Variants in SIDT1 observed in about 807,000 individuals in gnomAD.
SIDT1 encodes the protein SID1 transmembrane family, member 1.
A neutral mutation model predicts 107.5 loss-of-function variants in SIDT1; 101 were observed. That is an observed-to-expected ratio of 0.94 (90% CI 0.80 to 1.11). SIDT1 has a LOEUF of 1.11. Ranked by LOEUF, SIDT1 falls within the 50% of genes least tolerant of loss-of-function variation. The pLI is 0.00. For missense variants in SIDT1, 1,076 were observed against 1,058.2 expected, an observed-to-expected ratio of 1.02 and a Z score of -0.23; for synonymous variants, 395 against 398.2, an observed-to-expected ratio of 0.99 and a Z score of 0.10.
intron 1 of SIDT1, among the ~76,000 whole-genome samples, chr3:113,539,733 A>T (rs1938588190): frequency 6.6e-6 from 1 of 152,156 alleles, no homozygotes; most frequent in African/African-American, 2.4e-5. Context: ...GAGGTTGGGT[A>T]ATTTATAAGG....
chr3:113,534,629 T>G (rs1338501546), intron 1 of SIDT1, among the ~76,000 whole-genome samples: 1 of 152,246 alleles, frequency 6.6e-6, no homozygotes, highest in Non-Finnish European at 1.5e-5. Context: ...GTTGACATGT[T>G]GCACGTGAGG....
intron 9 of SIDT1, among the ~76,000 whole-genome samples, chr3:113,586,371 C>G (rs2107553907): frequency 6.6e-6 from 1 of 152,276 alleles, no homozygotes; most frequent in South Asian, 2.1e-4. Context: ...ATGAAAACAG[C>G]TACCCATTCG....
At position 113,612,086 on chromosome 3, in the gene SIDT1, G is replaced by A; in HGVS notation, c.1858G>A (p.Val620Met). 1 of 1,612,740 alleles carries A rather than the reference G, an allele frequency of 6.2e-7. No homozygotes were observed. The highest frequency in any genetic ancestry group is 8.5e-7 in the Non-Finnish European group (1 of 1,178,958). The change falls in exon 19 of 25, where the codon GTG becomes ATG. Residue 620 changes from valine (V) to methionine (M), a missense_variant and splice_region_variant. Coordinates refer to ENST00000264852, the MANE Select transcript of SIDT1 (RefSeq NM_017699.3). ...AGGTAACTTCCATCTTTACTCCTAG[G>A]TGTTTGGAAAAAATGACGTATGGTT... is the stretch of plus-strand genomic sequence containing the variant. The part of the protein sequence containing the change: ...VVIMVTVLGV[V>M]FGKNDVWFWV...
At chr3:113,550,957 CTA>C (rs982058013) in intron 1 of SIDT1, among the ~76,000 whole-genome samples, 1 of 152,124 alleles carries the variant, frequency 6.6e-6, no homozygotes, top group African/African-American at 2.4e-5. Context: ...TTGCTCCCCT[CTA>C]TGTGTCCATG....
intron 11 of SIDT1, 42 bp downstream of exon 11, chr3:113,601,701 C>T: frequency 1.4e-6 from 2 of 1,440,888 alleles, no homozygotes; most frequent in South Asian, 1.2e-5. Context: ...TTTCCTAATT[C>T]TGCAGAGAAT....
At chr3:113,583,298 T>G in intron 6 of SIDT1, 111 bp from the exon 7 acceptor site, 2 of 656,932 alleles carry the variant, frequency 3.0e-6, no homozygotes, top group Non-Finnish European at 5.1e-6. Flanking sequence ...AGGGCAGGGG[T>G]GAACTTTATT....
intron 1 of SIDT1, among the ~76,000 whole-genome samples, chr3:113,534,756 G>A (rs2107548826): frequency 6.6e-6 from 1 of 152,346 alleles, no homozygotes; most frequent in Non-Finnish European, 1.5e-5. Context: ...AATTACATGT[G>A]CTAAGTAAAT....
At chr3:113,585,591 T>A (rs1943686112) in intron 9 of SIDT1, among the ~76,000 whole-genome samples, 1 of 152,218 alleles carries the variant, frequency 6.6e-6, no homozygotes. Context: ...GTATATTTTT[T>A]AAACCAGAAA....
intron 1 of SIDT1, among the ~76,000 whole-genome samples, chr3:113,546,324 T>C (rs1939581765): frequency 6.6e-6 from 1 of 152,232 alleles, no homozygotes; most frequent in South Asian, 2.1e-4. Context: ...TAACTCTTTG[T>C]CTCATAAAAA....
chr3:113,615,387 G>A (rs1289817809), intron 19 of SIDT1, among the ~76,000 whole-genome samples: 1 of 152,160 alleles, frequency 6.6e-6, no homozygotes, highest in Admixed American at 6.5e-5. Flanking sequence ...GCTTTGGGCA[G>A]ACCCAGACTG....
chr3:113,564,725 G>A (rs896681389), intron 1 of SIDT1, among the ~76,000 whole-genome samples: 1 of 152,144 alleles, frequency 6.6e-6, no homozygotes, highest in Non-Finnish European at 1.5e-5. Flanking sequence ...AGTGAAGGGA[G>A]TGATCAATTC....
intron 8 of SIDT1, 74 bp from the exon 9 acceptor site, chr3:113,585,103 A>T: frequency 1.9e-6 from 2 of 1,068,142 alleles, no homozygotes; most frequent in South Asian, 1.3e-5. Flanking sequence ...GGGGCCCTTT[A>T]AGCCGTCCTG....
intron 20 of SIDT1, among the ~76,000 whole-genome samples, chr3:113,616,647 T>A (rs1251881274): frequency 1.3e-5 from 2 of 152,132 alleles, no homozygotes; most frequent in East Asian, 3.9e-4. Flanking sequence ...CCTGCCCATG[T>A]AACCCTGAGC....
In SIDT1 at chr3:113,571,059, A is replaced by G. The variant is rs368476585; in HGVS notation, c.515+3349A>G. Among the ~76,000 whole-genome samples the G allele has an allele frequency of 1.4e-4, 21 of 152,324 alleles. 1 individual carries two copies. The East Asian group carries it at 1.7e-3, about 13-fold the overall frequency. On this transcript the variant is annotated intron_variant, in intron 3 of 24. Coordinates refer to ENST00000264852, the MANE Select transcript of SIDT1 (RefSeq NM_017699.3). ...AATGAACTATTTCTACTTTCTAGTTAAAACTGTCCTCCCAATTGTTTGTGT... is the reference window on the plus strand; with the variant it reads ...AATGAACTATTTCTACTTTCTAGTTGAAACTGTCCTCCCAATTGTTTGTGT...
chr3:113,589,065 A>C lies in SIDT1; in HGVS notation c.1001+3795A>C, dbSNP rs973298657. Reference sequence around the variant, plus strand: ...TTGTTTCCAAGACAGACAGCAGAAGAGTGCAAGGCCTCTTGAAGATGCAGA... The same window carrying C: ...TTGTTTCCAAGACAGACAGCAGAAGCGTGCAAGGCCTCTTGAAGATGCAGA... On this transcript the variant is annotated intron_variant, in intron 9 of 24. Transcript: ENST00000264852. 3.9e-5 allele frequency among the ~76,000 whole-genome samples: 6 copies of C among 152,334 alleles called. No homozygotes were observed. In the East Asian group the frequency reaches 1.2e-3, roughly 29 times the overall value.
chr3:113,611,821 C>T (rs1292567846), intron 18 of SIDT1, among the ~76,000 whole-genome samples: 3 of 152,116 alleles, frequency 2.0e-5, no homozygotes, highest in Admixed American at 1.3e-4. Flanking sequence ...GAAGTTCATT[C>T]GCCCCCACTT....
intron 20 of SIDT1, among the ~76,000 whole-genome samples, chr3:113,616,836 G>A (rs1946145140): frequency 6.6e-6 from 1 of 151,824 alleles, no homozygotes; most frequent in African/African-American, 2.4e-5. Flanking sequence ...TTACGGGCAT[G>A]TGCCACCACA....
At chr3:113,572,672 C>A (rs1361873427) in intron 3 of SIDT1, among the ~76,000 whole-genome samples, 4 of 152,164 alleles carry the variant, frequency 2.6e-5, no homozygotes, top group Non-Finnish European at 5.9e-5. Flanking sequence ...ATGGCAGCAA[C>A]AAGGTTGTAA....
intron 11 of SIDT1, 140 bp from the exon 12 acceptor site, chr3:113,602,865 A>G (rs1945055904): frequency 1.3e-6 from 1 of 773,580 alleles, no homozygotes; most frequent in South Asian, 2.2e-5. Flanking sequence ...GAGAGAAAGA[A>G]CAGGTCTTGT....
Sources: allele counts gnomAD v4.1 joint callset (sites outside exome capture counted in the v4.1 genomes callset), GRCh38; gene constraint gnomAD v4.1.1; transcripts MANE v1.5; gene names NCBI Gene and HGNC (gene_info 2026-07-23, HGNC 2026-07-21).